Variants in FMNL2 observed in about 807,000 individuals in gnomAD.
FMNL2 encodes the protein formin-like protein 2.
Under a neutral mutation model 130.2 loss-of-function variants are expected in FMNL2, and 51 were observed. That is an observed-to-expected ratio of 0.39 (90% CI 0.31 to 0.49). The LOEUF is 0.49. Ranked by LOEUF, FMNL2 falls within the 20% of genes least tolerant of loss-of-function variation. The probability of loss-of-function intolerance (pLI) is 0.85; values close to 1 mark genes in which losing one functional copy is unlikely to be tolerated. For missense variants in FMNL2, 977 were observed against 1,316.2 expected (o/e 0.74, Z 3.99); for synonymous variants, 465 against 467.1 (o/e 1.00, Z 0.06).
chr2:152,375,385 G>C (rs936243327), intron 1 of FMNL2, among the ~76,000 whole-genome samples: 1 of 152,204 alleles, frequency 6.6e-6, no homozygotes, highest in East Asian at 1.9e-4. Flanking sequence ...CTCATGCCTG[G>C]TAGGTTATGA....
rs150485859 is a variant in FMNL2, at chr2:152,457,948, C to G, written c.118-63995C>G. 6.9e-3 allele frequency among the ~76,000 whole-genome samples: 1,053 copies of G among 152,292 alleles called. 12 individuals are homozygous for G. The highest frequency in any genetic ancestry group is 0.024 in the African/African-American group (1,000 of 41,564). On this transcript the variant is annotated intron_variant, in intron 1 of 25. Coordinates refer to ENST00000288670, the MANE Select transcript of FMNL2 (RefSeq NM_052905.4). ...ATGTCCCCAGTTTTTTGGCTACAAC[C>G]TCAGAAGGTTCTCCATCTATGAGGA...
At chr2:152,582,967 T>A (rs1289390249) in intron 9 of FMNL2, among the ~76,000 whole-genome samples, 2 of 152,184 alleles carry the variant, frequency 1.3e-5, no homozygotes, top group Admixed American at 1.3e-4. Flanking sequence ...ATGAGATGAA[T>A]GATAATATTT....
Position 152,335,522 on chromosome 2 carries a change from AGCCGACC to A in FMNL2, c.-77_-71del. 1 of 1,151,896 alleles carries A rather than the reference AGCCGACC, an allele frequency of 8.7e-7. No homozygotes were observed. The highest frequency in any genetic ancestry group is 1.2e-6 in the Non-Finnish European group (1 of 836,300). The allele number at this position is 1,151,896 out of a possible 1,614,324, so 71.4% of individuals were successfully genotyped here. The stretch of plus-strand genomic sequence containing the variant: ...CGGGCAGGTCGCGCCTGCGGGCGGC[AGCCGACC>A]GCCGGGAGCTGTTCTGATTTCCGAC... On this transcript the variant is annotated 5_prime_UTR_variant, in exon 1 of 26. Coordinates refer to ENST00000288670, the MANE Select transcript of FMNL2 (RefSeq NM_052905.4).
chr2:152,610,742 T>C lies in FMNL2; in HGVS notation c.952-753T>C, dbSNP rs184145496. Among the ~76,000 whole-genome samples, 23 of 152,374 alleles carry C rather than the reference T, an allele frequency of 1.5e-4. No individual in the cohort carries two copies. The East Asian group carries it at 3.8e-3, about 26-fold the overall frequency. ...TTGGTTGTTATTAATGATGTTACTC[T>C]GAACATCTGTGTAAAGATTTTTATG... On this transcript the variant is annotated intron_variant, in intron 10 of 25. Coordinates refer to ENST00000288670, the MANE Select transcript of FMNL2 (RefSeq NM_052905.4).
At chr2:152,379,173 C>T (rs1481554794) in intron 1 of FMNL2, among the ~76,000 whole-genome samples, 2 of 152,006 alleles carry the variant, frequency 1.3e-5, no homozygotes, top group African/African-American at 2.4e-5. Flanking sequence ...TTTAAAGGTG[C>T]GTGCAGTGTG....
chr2:152,526,142 C>T (rs987292601), intron 2 of FMNL2, among the ~76,000 whole-genome samples: 1 of 152,060 alleles, frequency 6.6e-6, no homozygotes. Flanking sequence ...TCTTTCCTGC[C>T]TAGTAAACAA....
At chr2:152,412,496 ATAT>A (rs1686374834) in intron 1 of FMNL2, among the ~76,000 whole-genome samples, 4 of 77,422 alleles carry the variant, frequency 5.2e-5, no homozygotes, top group African/African-American at 2.0e-4. Flanking sequence ...ATATATATAT[ATAT>A]ATAAATTAGA....
intron 9 of FMNL2, among the ~76,000 whole-genome samples, chr2:152,604,537 G>A (rs1187114132): frequency 1.3e-5 from 2 of 151,050 alleles, no homozygotes; most frequent in Non-Finnish European, 3.0e-5. Context: ...CCCGAATTCA[G>A]GATGGCCTCT....
At chr2:152,553,227 G>A (rs1036255257) in intron 4 of FMNL2, among the ~76,000 whole-genome samples, 4 of 152,172 alleles carry the variant, frequency 2.6e-5, no homozygotes, top group Admixed American at 6.5e-5. Context: ...CATACAACAC[G>A]TATGGGAGTG....
At chr2:152,431,111 A>G (rs1687469716) in intron 1 of FMNL2, among the ~76,000 whole-genome samples, 1 of 152,162 alleles carries the variant, frequency 6.6e-6, no homozygotes, top group Non-Finnish European at 1.5e-5. Context: ...CTTGAGAATA[A>G]TGGTTCTTTT....
In FMNL2 at chr2:152,576,247, A is replaced by AT. The variant is rs1414136141; in HGVS notation, c.705+1012dup. 6.0e-3 allele frequency among the ~76,000 whole-genome samples: 913 copies of AT among 151,070 alleles called. 13 individuals are homozygous for AT. Among genetic ancestry groups the AT allele is most frequent in the African/African-American group, 0.021 (854 of 41,182 alleles). ...AGGGAAACATGCATTTATTCTTTCC[A>AT]TTTTTTTTTGAACTTTGCCAGACGG... On this transcript the variant is annotated intron_variant, in intron 7 of 25. Transcript: ENST00000288670.
At chr2:152,579,613 G>A (rs1044678749) in intron 8 of FMNL2, among the ~76,000 whole-genome samples, 1 of 152,170 alleles carries the variant, frequency 6.6e-6, no homozygotes, top group Non-Finnish European at 1.5e-5. Context: ...CAGGAGAATG[G>A]CTTGAACCCA....
chr2:152,567,258 T>C (rs1695897728), intron 6 of FMNL2, among the ~76,000 whole-genome samples: 1 of 152,164 alleles, frequency 6.6e-6, no homozygotes, highest in Admixed American at 6.5e-5. Context: ...ATAGTGACTC[T>C]CCATTCATAT....
At position 152,394,417 on chromosome 2, in the gene FMNL2, T is replaced by C. The variant is rs547927711; in HGVS notation, c.117+58697T>C. 1.4e-4 allele frequency among the ~76,000 whole-genome samples: 22 copies of C among 152,288 alleles called. No individual in the cohort carries two copies. In the South Asian group the frequency reaches 4.6e-3, roughly 32 times the overall value. The stretch of plus-strand genomic sequence containing the variant: ...TCACTAACTGTGCTTTGGGTACCTT[T>C]GATTCTAGATTTACAGCATGATAAT... On this transcript the variant is annotated intron_variant, in intron 1 of 25. Coordinates refer to ENST00000288670, the MANE Select transcript of FMNL2 (RefSeq NM_052905.4).
At chr2:152,427,571 A>T (rs1687265516) in intron 1 of FMNL2, among the ~76,000 whole-genome samples, 1 of 152,058 alleles carries the variant, frequency 6.6e-6, no homozygotes, top group Admixed American at 6.6e-5. Flanking sequence ...AAATGAAATC[A>T]TTTTTTGTTG....
chr2:152,355,078 T>C (rs1021866043), intron 1 of FMNL2, among the ~76,000 whole-genome samples: 10 of 152,204 alleles, frequency 6.6e-5, no homozygotes, highest in Non-Finnish European at 1.0e-4. Context: ...ACAAAAATAA[T>C]AGCATGCCTG....
chr2:152,392,090 G>C (rs1416573877), intron 1 of FMNL2, among the ~76,000 whole-genome samples: 1 of 151,804 alleles, frequency 6.6e-6, no homozygotes, highest in Non-Finnish European at 1.5e-5. Flanking sequence ...GTTTAAATGA[G>C]GTTCTCTACC....
At chr2:152,459,059 T>G (rs1689103074) in intron 1 of FMNL2, among the ~76,000 whole-genome samples, 1 of 152,222 alleles carries the variant, frequency 6.6e-6, no homozygotes, top group African/African-American at 2.4e-5. Context: ...ACCATTGTAA[T>G]GGCAAAATCA....
intron 9 of FMNL2, among the ~76,000 whole-genome samples, chr2:152,596,694 A>G (rs1580056952): frequency 6.6e-6 from 1 of 152,354 alleles, no homozygotes; most frequent in East Asian, 1.9e-4. Context: ...ATTGACTCGT[A>G]GAAGATAGCT....
Sources: gnomAD v4.1 joint callset for allele counts (sites outside exome capture counted in the v4.1 genomes callset) on GRCh38, gnomAD v4.1.1 for gene constraint, MANE v1.5 for transcripts, NCBI Gene and HGNC (gene_info 2026-07-23, HGNC 2026-07-21) for gene names.